BDKRB2: variants seen among roughly 807,000 people sequenced by gnomAD.
The protein encoded by BDKRB2 is B2 bradykinin receptor.
A neutral mutation model predicts 4.0 loss-of-function variants in BDKRB2; 6 were observed. That is an observed-to-expected ratio of 1.49 (90% CI 0.81 to 2.93). The LOEUF (loss-of-function observed/expected upper bound fraction) is 2.93. Among genes scored for constraint, BDKRB2 ranks in the 30% most tolerant of loss-of-function variants. The pLI, the probability that BDKRB2 is intolerant of heterozygous loss-of-function variation, is 0.00. For synonymous variants in BDKRB2, 225 were observed against 215.3 expected (o/e 1.05, Z -0.40); for missense variants, 478 against 520.1 (o/e 0.92, Z 0.79).
chr14:96,222,417 C>T (rs1426433036), intron 1 of BDKRB2, among the ~76,000 whole-genome samples: 1 of 151,992 alleles, frequency 6.6e-6, no homozygotes, highest in Non-Finnish European at 1.5e-5. Context: ...AAGTTCCAAG[C>T]TTTGTATCAT....
At chr14:96,211,560 A>T (rs1271158876) in intron 1 of BDKRB2, among the ~76,000 whole-genome samples, 1 of 152,182 alleles carries the variant, frequency 6.6e-6, no homozygotes, top group Non-Finnish European at 1.5e-5. Context: ...ATCATTTGTG[A>T]TAGCCAAAAG....
Position 96,214,306 on chromosome 14 carries a change from C to T in BDKRB2, c.-40+9347C>T, listed in dbSNP as rs141951703. On this transcript the variant is annotated intron_variant, in intron 1 of 2. Coordinates refer to ENST00000554311, the MANE Select transcript of BDKRB2 (RefSeq NM_001379692.1). ...GGGGTGGAGGTGAGGGCACCCAGGCCCATCACTTGACAGAACAATCTGTGG... is the reference window on the plus strand; with the variant it reads ...GGGGTGGAGGTGAGGGCACCCAGGCTCATCACTTGACAGAACAATCTGTGG... 3.6e-3 allele frequency among the ~76,000 whole-genome samples: 544 copies of T among 152,214 alleles called. 4 individuals carry two copies. The highest frequency in any genetic ancestry group is 0.012 in the African/African-American group (518 of 41,536).
chr14:96,234,917 A>AT (rs1890897494), intron 1 of BDKRB2, among the ~76,000 whole-genome samples: 1 of 152,190 alleles, frequency 6.6e-6, no homozygotes, highest in African/African-American at 2.4e-5. Context: ...GAAGCTGTAC[A>AT]TGCAGGCTGA....
In BDKRB2 at chr14:96,206,759, G is replaced by C. The variant is rs547634922; in HGVS notation, c.-40+1800G>C. Among the ~76,000 whole-genome samples, 11 of 152,230 alleles carry C rather than the reference G, an allele frequency of 7.2e-5. No individual in the cohort carries two copies. In the South Asian group the frequency reaches 2.1e-3, roughly 29 times the overall value. On this transcript the variant is annotated intron_variant, in intron 1 of 2. Transcript: ENST00000554311. ...GGGAGGGGCCCACCTGGGCGCGGTGGGGGGAGCCCTGCAGATTTGCCCAGT... is the reference window on the plus strand; with the variant it reads ...GGGAGGGGCCCACCTGGGCGCGGTGCGGGGAGCCCTGCAGATTTGCCCAGT...
intron 1 of BDKRB2, among the ~76,000 whole-genome samples, chr14:96,228,556 ACTT>A (rs1285945960): frequency 6.6e-6 from 1 of 152,088 alleles, no homozygotes; most frequent in African/African-American, 2.4e-5. Flanking sequence ...ACATTCAGAC[ACTT>A]CTTCTCTTCT....
At chr14:96,218,084 C>G (rs1403972892) in intron 1 of BDKRB2, among the ~76,000 whole-genome samples, 1 of 152,066 alleles carries the variant, frequency 6.6e-6, no homozygotes, top group Non-Finnish European at 1.5e-5. Flanking sequence ...AGGGAAAGGA[C>G]TGTCGTGCAA....
intron 1 of BDKRB2, among the ~76,000 whole-genome samples, chr14:96,207,421 AAAAT>A (rs1451018788): frequency 9.1e-6 from 1 of 109,982 alleles, no homozygotes; most frequent in African/African-American, 3.3e-5. Flanking sequence ...AAGACAGTAA[AAAAT>A]AAAAAAAATC....
intron 1 of BDKRB2, among the ~76,000 whole-genome samples, chr14:96,219,990 C>T (rs1211368438): frequency 6.6e-6 from 1 of 151,994 alleles, no homozygotes; most frequent in East Asian, 1.9e-4. Flanking sequence ...GCCATTGTGA[C>T]ATTGGACTTG....
intron 1 of BDKRB2, among the ~76,000 whole-genome samples, chr14:96,227,206 G>A (rs548093095): frequency 6.6e-6 from 1 of 152,308 alleles, no homozygotes; most frequent in African/African-American, 2.4e-5. Context: ...GATGGAAACC[G>A]GATGTCACAC....
At chr14:96,210,352 A>G (rs1890276796) in intron 1 of BDKRB2, among the ~76,000 whole-genome samples, 2 of 152,132 alleles carry the variant, frequency 1.3e-5, no homozygotes, top group South Asian at 4.1e-4. Context: ...TTTTTCTTTC[A>G]CAGTATTTAC....
chr14:96,242,961 T>C lies in BDKRB2; in HGVS notation c.*1457T>C, dbSNP rs1399805450. ...ACTTGATAAATGAATATTTATTAGC[T>C]GGTTGGAGAGCTAGAACCTGGAGAG... is the stretch of plus-strand genomic sequence containing the variant. On this transcript the variant is annotated 3_prime_UTR_variant, in exon 3 of 3. Transcript: ENST00000554311. 1.3e-5 allele frequency: 2 copies of C among 151,282 alleles called. No individual in the cohort carries two copies. The highest frequency in any genetic ancestry group is 5.0e-5 in the African/African-American group (2 of 39,932). The allele number at this position is 151,282 out of a possible 1,614,324, so 9.4% of individuals were successfully genotyped here.
At chr14:96,220,258 C>G (rs921054569) in intron 1 of BDKRB2, among the ~76,000 whole-genome samples, 4 of 151,820 alleles carry the variant, frequency 2.6e-5, no homozygotes, top group African/African-American at 9.7e-5. Flanking sequence ...GAGGAAATGC[C>G]GGGGGTATTT....
chr14:96,217,053 T>G (rs1260205611), intron 1 of BDKRB2, among the ~76,000 whole-genome samples: 1 of 152,186 alleles, frequency 6.6e-6, no homozygotes, highest in Non-Finnish European at 1.5e-5. Flanking sequence ...AGACTTTACT[T>G]GAATACCTTT....
intron 1 of BDKRB2, chr14:96,233,338 T>A (rs1473960408): frequency 6.6e-6 from 1 of 152,280 alleles, no homozygotes; most frequent in East Asian, 1.9e-4. Context: ...CCGGCCTGAG[T>A]GTTTCCATTA....
At chr14:96,223,395 C>G (rs1890622445) in intron 1 of BDKRB2, 1 of 760,910 alleles carries the variant, frequency 1.3e-6, no homozygotes, top group Non-Finnish European at 2.4e-6. Flanking sequence ...GCTGTCCTTA[C>G]TTCCTAACAT....
intron 1 of BDKRB2, chr14:96,233,471 G>A (rs1890866704): frequency 6.6e-6 from 1 of 152,322 alleles, no homozygotes; most frequent in African/African-American, 2.4e-5. Flanking sequence ...AGTGCTCGGA[G>A]TGGACGGTGC....
Position 96,237,159 on chromosome 14 carries a change from G to T in BDKRB2, c.52G>T (p.Val18Leu). ...GTTTCTGTCTGTTCGTGAGGACTCC[G>T]TGCCCACCACGGCCTCTTTCAGGTG... is the stretch of plus-strand genomic sequence containing the variant. ...SMFLSVREDSVPTTASFSADM... is the reference protein window; with the variant it reads ...SMFLSVREDSLPTTASFSADM... The change falls in exon 2 of 3, where the codon GTG (valine) becomes TTG (leucine). Residue 18 changes from valine to leucine, a missense_variant. Val to Leu is a conservative substitution (Grantham distance 32). Transcript: ENST00000554311. 1 of 1,613,936 alleles carries T rather than the reference G, an allele frequency of 6.2e-7. No homozygotes were observed. Among genetic ancestry groups the T allele is most frequent in the South Asian group, 1.1e-5 (1 of 91,076 alleles).
At chr14:96,232,373 G>C (rs1329511822) in intron 1 of BDKRB2, among the ~76,000 whole-genome samples, 1 of 152,234 alleles carries the variant, frequency 6.6e-6, no homozygotes, top group East Asian at 1.9e-4. Flanking sequence ...CGCCAGGCTG[G>C]CTTCCCGTCC....
rs751584909 is a variant in BDKRB2, at chr14:96,204,882, TGGG to T, written c.-115_-113del. 8.7e-4 allele frequency: 302 copies of T among 348,722 alleles called. 5 individuals carry two copies. Among genetic ancestry groups the T allele is most frequent in the South Asian group, 1.2e-3 (59 of 47,876 alleles). 21.6% of individuals were successfully genotyped at this position (348,722 alleles called of 1,614,324 possible). A position where few individuals can be genotyped will look rare whatever the true frequency, so the allele number is the denominator to read the frequency against. ...GGGCTCCGAGGAGGGGTGGGGACGG[TGGG>T]GACGGTGGGGACATCAGGCTGCCCC... On this transcript the variant is annotated 5_prime_UTR_variant, in exon 1 of 3. Transcript: ENST00000554311.
Sources: gnomAD v4.1 joint callset for allele counts (sites outside exome capture counted in the v4.1 genomes callset) on GRCh38, gnomAD v4.1.1 for gene constraint, MANE v1.5 for transcripts, NCBI Gene and HGNC (gene_info 2026-07-23, HGNC 2026-07-21) for gene names.